Variants in CCZ1B observed in about 807,000 individuals in gnomAD.
CCZ1B encodes vacuolar fusion protein CCZ1 homolog B.
In CCZ1B, 25 loss-of-function variants were observed where a neutral mutation model predicts 58.8. The observed-to-expected ratio is 0.43, with a 90% CI of 0.31 to 0.59. CCZ1B has a LOEUF of 0.59. Among genes scored for constraint, CCZ1B ranks in the 20% least tolerant of loss-of-function variants. The probability of loss-of-function intolerance (pLI) is 0.12; values close to 1 mark genes in which losing one functional copy is unlikely to be tolerated. For synonymous variants in CCZ1B, 66 were observed against 173.2 expected (o/e 0.38, Z 4.86); for missense variants, 180 against 501.5 (o/e 0.36, Z 6.12).
At chr7:6,821,592 T>G (rs1239240820) in intron 6 of CCZ1B, among the ~76,000 whole-genome samples, 1 of 151,632 alleles carries the variant, frequency 6.6e-6, no homozygotes, top group South Asian at 2.1e-4. Context: ...GAATTGTTGC[T>G]TCAAGATAAA....
rs564292531 is a variant in CCZ1B, at chr7:6,819,746, A to G, written c.698+20T>C. On this transcript the variant is annotated intron_variant, in intron 7 of 14. Coordinates refer to ENST00000316731, the MANE Select transcript of CCZ1B (RefSeq NM_198097.5). ...TATCTTAATTTCTTCTTTTAATACC[A>G]TGCCTCGGGGTGTACCTACCAGATG... The G allele has an allele frequency of 2.0e-5, 28 of 1,366,576 alleles. No homozygotes were observed. The South Asian group carries it at 2.1e-4, about 10-fold the overall frequency. 84.7% of individuals were successfully genotyped at this position (1,366,576 alleles called of 1,614,324 possible).
At chr7:6,823,894 A>C (rs2115131411) in intron 4 of CCZ1B, 195 bp downstream of exon 4, 1 of 975,204 alleles carries the variant, frequency 1.0e-6, no homozygotes, top group Admixed American at 3.6e-5. Context: ...GAAGAGTAGA[A>C]GGTATTAGTG....
At position 6,818,678 on chromosome 7, in the gene CCZ1B, A is replaced by AAAGAC. The variant is rs1554259302; in HGVS notation, c.698+1087_698+1088insGTCTT. Among the ~76,000 whole-genome samples, 26 of 76,110 alleles carry AAAGAC rather than the reference A, an allele frequency of 3.4e-4. 4 individuals are homozygous for AAAGAC. Among genetic ancestry groups the AAAGAC allele is most frequent in the African/African-American group, 1.4e-3 (26 of 18,898 alleles). 49.9% of individuals were successfully genotyped at this position (76,110 alleles called of 152,430 possible). On this transcript the variant is annotated intron_variant, in intron 7 of 14. Coordinates refer to ENST00000316731, the MANE Select transcript of CCZ1B (RefSeq NM_198097.5). Reference sequence around the variant, plus strand: ...GAAAGAAAGACAGACAGAAAGAAAGAAAGAAAGAAAGAAAGACAAGAAAGA... The same window carrying AAAGAC: ...GAAAGAAAGACAGACAGAAAGAAAGAAAGACAAGAAAGAAAGAAAGACAAGAAAGA...
At chr7:6,816,899 T>C (rs1278079915) in intron 7 of CCZ1B, among the ~76,000 whole-genome samples, 2 of 150,490 alleles carry the variant, frequency 1.3e-5, no homozygotes, top group Non-Finnish European at 2.9e-5. Context: ...GTTGGGACTC[T>C]AAGTGCACAC....
At chr7:6,810,047 T>C (rs1488143260) in intron 10 of CCZ1B, among the ~76,000 whole-genome samples, 2 of 150,996 alleles carry the variant, frequency 1.3e-5, no homozygotes, top group East Asian at 1.9e-4. Context: ...AGTCTTGCTC[T>C]GTTGCCCAGA....
At chr7:6,813,690 C>A (rs1293755514) in intron 8 of CCZ1B, among the ~76,000 whole-genome samples, 1 of 149,444 alleles carries the variant, frequency 6.7e-6, no homozygotes, top group Non-Finnish European at 1.5e-5. Flanking sequence ...TTTAAAAGTT[C>A]TCTGCAGGAA....
chr7:6,813,367 C>G (rs1417450366), intron 8 of CCZ1B, among the ~76,000 whole-genome samples: 1 of 149,350 alleles, frequency 6.7e-6, no homozygotes, highest in Admixed American at 6.6e-5. Context: ...AGGCAGATTA[C>G]TTGAGCCCAG....
chr7:6,813,132 C>T, intron 8 of CCZ1B, 95 bp from the exon 9 acceptor site: 11 of 1,181,170 alleles, frequency 9.3e-6, no homozygotes, highest in Non-Finnish European at 9.6e-6. Context: ...TGGTTCCATG[C>T]CATTTGTCTT....
Position 6,814,792 on chromosome 7 carries a change from G to A in CCZ1B, c.752C>T (p.Ser251Phe), listed in dbSNP as rs201773082. ...MRILYKYLTT[S>F]LFPRHIEPEL... ...AGGTTCGATGTGCCTTGGGAAAAGG[G>A]AGGTGGTAAGGTATTTGTATAAAAT... Residue 251 changes from serine (S) to phenylalanine (F), a missense_variant, in exon 8 of 15, where the codon TCC becomes TTC. Coordinates refer to ENST00000316731, the MANE Select transcript of CCZ1B (RefSeq NM_198097.5). 1.2e-5 allele frequency: 19 copies of A among 1,607,504 alleles called. No individual in the cohort carries two copies. Among genetic ancestry groups the A allele is most frequent in the Admixed American group, 1.7e-5 (1 of 59,462 alleles).
intron 10 of CCZ1B, among the ~76,000 whole-genome samples, chr7:6,810,516 G>A (rs1464474827): frequency 1.4e-5 from 2 of 147,766 alleles, no homozygotes; most frequent in African/African-American, 2.6e-5. Context: ...GCAGTGGTGT[G>A]ATCATAGCTC....
intron 14 of CCZ1B, 23 bp from the exon 15 acceptor site, chr7:6,799,302 A>G (rs372559999): frequency 4.7e-6 from 5 of 1,074,768 alleles, no homozygotes; most frequent in Non-Finnish European, 5.9e-6. Context: ...CACAACAGTG[A>G]GGAAGGAAGA....
chr7:6,811,928 C>T (rs575096386), intron 10 of CCZ1B, 24 bp downstream of exon 10: 30 of 1,595,852 alleles, frequency 1.9e-5, no homozygotes, highest in East Asian at 8.9e-5. Flanking sequence ...CAATCATTAA[C>T]GCTGGAAGGA....
chr7:6,801,912 C>T (rs1356124314), intron 12 of CCZ1B, among the ~76,000 whole-genome samples: 1 of 120,018 alleles, frequency 8.3e-6, no homozygotes, highest in Non-Finnish European at 1.8e-5. Context: ...ACGGGAACCT[C>T]GCCATTGCCA....
At chr7:6,812,366 G>C in intron 9 of CCZ1B, 1 of 371,982 alleles carries the variant, frequency 2.7e-6, no homozygotes, top group Non-Finnish European at 5.1e-6. Context: ...GTGGGCACCT[G>C]CAATCCCAGC....
At chr7:6,810,025 T>C (rs1309970773) in intron 10 of CCZ1B, among the ~76,000 whole-genome samples, 4 of 151,002 alleles carry the variant, frequency 2.6e-5, no homozygotes, top group South Asian at 2.1e-4. Context: ...TTTTTTTTTC[T>C]TTCTGAGACA....
chr7:6,816,172 C>T (rs1782996483), intron 7 of CCZ1B, among the ~76,000 whole-genome samples: 1 of 147,888 alleles, frequency 6.8e-6, no homozygotes, highest in African/African-American at 2.6e-5. Flanking sequence ...GTTTTCTATT[C>T]AAGATCACTG....
intron 2 of CCZ1B, 39 bp from the exon 3 acceptor site, chr7:6,824,587 A>G: frequency 6.2e-7 from 1 of 1,612,320 alleles, no homozygotes; most frequent in Non-Finnish European, 8.5e-7. Context: ...ACAATTCTCC[A>G]GCAGCAGTTT....
At chr7:6,800,508 G>A (rs2115105719) in intron 14 of CCZ1B, among the ~76,000 whole-genome samples, 2 of 140,318 alleles carry the variant, frequency 1.4e-5, no homozygotes, top group African/African-American at 5.5e-5. Flanking sequence ...AAAGAAATTA[G>A]CTGGGTCTGG....
In CCZ1B at chr7:6,814,146, C is replaced by CAATAAATA. The variant is rs111345992; in HGVS notation, c.780+610_780+617dup. Among the ~76,000 whole-genome samples, 85 of 146,700 alleles carry CAATAAATA rather than the reference C, an allele frequency of 5.8e-4. 2 individuals carry two copies. The highest frequency in any genetic ancestry group is 9.7e-4 in the East Asian group (5 of 5,164). On this transcript the variant is annotated intron_variant, in intron 8 of 14. Coordinates refer to ENST00000316731, the MANE Select transcript of CCZ1B (RefSeq NM_198097.5). ...GGGCGAAAAGAACGAAACTCTGTCC[C>CAATAAATA]AATAAATAAATAAATAAATAAATAA...
Sources: allele counts gnomAD v4.1 joint callset (sites outside exome capture counted in the v4.1 genomes callset), GRCh38; gene constraint gnomAD v4.1.1; transcripts MANE v1.5; gene names NCBI Gene and HGNC (gene_info 2026-07-23, HGNC 2026-07-21).